The following SLC35F3 variants were observed in gnomAD, a reference collection of about 807,000 sequenced individuals.
SLC35F3 encodes the protein putative thiamine transporter SLC35F3.
Under a neutral mutation model 49.9 loss-of-function variants are expected in SLC35F3, and 25 were observed. The observed-to-expected ratio is 0.50, with a 90% CI of 0.37 to 0.70. The LOEUF (loss-of-function observed/expected upper bound fraction) is 0.70, where lower values mean the gene tolerates loss of function less well. Among genes scored for constraint, SLC35F3 ranks in the 30% least tolerant of loss-of-function variants. The probability of loss-of-function intolerance (pLI) is 0.00; values close to 1 mark genes in which losing one functional copy is unlikely to be tolerated. For missense variants in SLC35F3, 525 were observed against 639.8 expected (o/e 0.82, Z 1.94); for synonymous variants, 275 against 265.4 (o/e 1.04, Z -0.35).
chr1:234,256,502 G>T (rs1284017436), intron 3 of SLC35F3, among the ~76,000 whole-genome samples: 1 of 152,154 alleles, frequency 6.6e-6, no homozygotes, highest in Non-Finnish European at 1.5e-5. Context: ...CCTTTCAAAA[G>T]ACTTCATCAG....
At chr1:234,277,703 C>G (rs529233323) in intron 3 of SLC35F3, among the ~76,000 whole-genome samples, 2 of 152,204 alleles carry the variant, frequency 1.3e-5, no homozygotes, top group Non-Finnish European at 2.9e-5. Context: ...CTATTGTTCT[C>G]TCATCATAAC....
chr1:234,120,427 A>C (rs180851541), intron 2 of SLC35F3, among the ~76,000 whole-genome samples: 1 of 152,210 alleles, frequency 6.6e-6, no homozygotes. Context: ...AACCGTGCTC[A>C]GCATGTCCAT....
At chr1:234,062,890 CG>C (rs1323267899) in intron 2 of SLC35F3, among the ~76,000 whole-genome samples, 1 of 150,380 alleles carries the variant, frequency 6.6e-6, no homozygotes, top group African/African-American at 2.5e-5. Context: ...GTGGTTTCAC[CG>C]TGTTCACCGG....
At chr1:234,087,385 C>T (rs567228097) in intron 2 of SLC35F3, among the ~76,000 whole-genome samples, 5 of 152,288 alleles carry the variant, frequency 3.3e-5, no homozygotes, top group Middle Eastern at 3.4e-3. Flanking sequence ...ATGTTGGAGC[C>T]GGTATTATCC....
intron 2 of SLC35F3, among the ~76,000 whole-genome samples, chr1:233,919,197 CAG>C (rs1227174744): frequency 6.6e-6 from 1 of 152,164 alleles, no homozygotes; most frequent in Non-Finnish European, 1.5e-5. Flanking sequence ...GTAAGTTAGC[CAG>C]AGCAGGGAGA....
rs556219535 is a variant in SLC35F3 at position 233,986,781 on chromosome 1, A to G, written c.283+81023A>G. ...GATCATCTATTTCTTTCACTTTTTT[A>G]TTTCTTTGCAGACATTCCTTTTGGA... is the stretch of plus-strand genomic sequence containing the variant. On this transcript the variant is annotated intron_variant, in intron 2 of 7. Transcript: ENST00000366618. Among the ~76,000 whole-genome samples, 138 of 152,078 alleles carry G rather than the reference A, an allele frequency of 9.1e-4. 3 individuals carry two copies. Among genetic ancestry groups the G allele is most frequent in the African/African-American group, 3.2e-3 (133 of 41,488 alleles).
intron 3 of SLC35F3, among the ~76,000 whole-genome samples, chr1:234,247,599 A>G (rs1252297322): frequency 3.4e-3 from 370 of 107,332 alleles, no homozygotes; most frequent in South Asian, 6.8e-3. Context: ...TGGTGGGTTG[A>G]ATGGCTGGTC....
chr1:234,179,947 T>C (rs960115727), intron 2 of SLC35F3, among the ~76,000 whole-genome samples: 1 of 152,236 alleles, frequency 6.6e-6, no homozygotes, highest in Non-Finnish European at 1.5e-5. Context: ...TCAAGTTCCA[T>C]GACCTTGGGC....
chr1:234,288,868 C>T (rs10158010), intron 3 of SLC35F3, among the ~76,000 whole-genome samples: 64,810 of 152,072 alleles, frequency 0.43, 14,439 homozygotes, highest in Non-Finnish European at 0.5. Context: ...GCCTCCTGAT[C>T]AAAGCAGGAG....
chr1:233,984,687 C>A (rs997125004), intron 2 of SLC35F3, among the ~76,000 whole-genome samples: 1 of 152,132 alleles, frequency 6.6e-6, no homozygotes, highest in Admixed American at 6.5e-5. Flanking sequence ...GTGACTCCCT[C>A]CAGGACCCTC....
At chr1:233,989,578 C>A (rs1479055961) in intron 2 of SLC35F3, among the ~76,000 whole-genome samples, 1 of 152,042 alleles carries the variant, frequency 6.6e-6, no homozygotes, top group Non-Finnish European at 1.5e-5. Context: ...TTAAAAGGAA[C>A]TGGTGATTCA....
intron 2 of SLC35F3, among the ~76,000 whole-genome samples, chr1:234,084,693 C>CA (rs1308098701): frequency 2.6e-5 from 4 of 152,160 alleles, no homozygotes; most frequent in African/African-American, 9.7e-5. Flanking sequence ...GTGTTCTGCT[C>CA]TATTGAAGTA....
intron 3 of SLC35F3, among the ~76,000 whole-genome samples, chr1:234,242,060 C>A (rs1169772352): frequency 1.3e-5 from 2 of 152,232 alleles, no homozygotes; most frequent in African/African-American, 4.8e-5. Flanking sequence ...TCCACATAAG[C>A]TTTGCTTGGC....
At chr1:234,066,864 AC>A (rs1664629649) in intron 2 of SLC35F3, among the ~76,000 whole-genome samples, 1 of 150,146 alleles carries the variant, frequency 6.7e-6, no homozygotes. Context: ...ACACACACAC[AC>A]ACACACACAC....
intron 2 of SLC35F3, among the ~76,000 whole-genome samples, chr1:234,101,297 G>C (rs1395041763): frequency 2.0e-5 from 3 of 151,956 alleles, no homozygotes; most frequent in Non-Finnish European, 2.9e-5. Flanking sequence ...TTCTCACTCA[G>C]TCAATATTTT....
intron 3 of SLC35F3, among the ~76,000 whole-genome samples, chr1:234,282,303 T>A (rs1668341191): frequency 3.9e-5 from 6 of 152,132 alleles, no homozygotes; most frequent in Admixed American, 3.9e-4. Context: ...CTGCTAATGG[T>A]GTGTGTGAGC....
At chr1:234,188,237 CAAA>C (rs112150679) in intron 2 of SLC35F3, among the ~76,000 whole-genome samples, 2 of 119,276 alleles carry the variant, frequency 1.7e-5, no homozygotes, top group African/African-American at 2.8e-5. Context: ...AACTCCGCCT[CAAA>C]AAAAAAAAAA....
intron 2 of SLC35F3, among the ~76,000 whole-genome samples, chr1:234,147,307 C>T (rs917856974): frequency 1.3e-4 from 19 of 148,244 alleles, no homozygotes; most frequent in African/African-American, 4.7e-4. Context: ...CATCTCTTAG[C>T]TTTCTTTTAT....
chr1:233,974,265 A>G (rs1260465488), intron 2 of SLC35F3, among the ~76,000 whole-genome samples: 1 of 141,948 alleles, frequency 7.0e-6, no homozygotes, highest in Non-Finnish European at 1.5e-5. Context: ...GCTCACTGCA[A>G]CCTCCGCCTC....
Sources: allele counts gnomAD v4.1 joint callset (sites outside exome capture counted in the v4.1 genomes callset), GRCh38; gene constraint gnomAD v4.1.1; transcripts MANE v1.5; gene names NCBI Gene and HGNC (gene_info 2026-07-23, HGNC 2026-07-21).